Variants in CCSER1 observed in about 807,000 individuals in gnomAD.
CCSER1 encodes the protein serine-rich coiled-coil domain-containing protein 1.
Under a neutral mutation model 82.0 loss-of-function variants are expected in CCSER1, and 41 were observed. The observed-to-expected ratio is 0.50, with a 90% CI of 0.39 to 0.65. The LOEUF (loss-of-function observed/expected upper bound fraction) is 0.65. Ranked by LOEUF, CCSER1 falls within the 30% of genes least tolerant of loss-of-function variation. The probability of loss-of-function intolerance (pLI) is 0.00; values close to 1 mark genes in which losing one functional copy is unlikely to be tolerated. For missense variants in CCSER1, 1,119 were observed against 1,064.2 expected (o/e 1.05, Z -0.72); for synonymous variants, 414 against 383.9 (o/e 1.08, Z -0.92).
intron 9 of CCSER1, among the ~76,000 whole-genome samples, chr4:91,051,465 T>C (rs1743000975): frequency 6.6e-6 from 1 of 152,164 alleles, no homozygotes; most frequent in South Asian, 2.1e-4. Flanking sequence ...AAAACCATTG[T>C]AAATATCTAC....
chr4:91,008,214 A>G (rs987506517), intron 9 of CCSER1, among the ~76,000 whole-genome samples: 6 of 152,060 alleles, frequency 3.9e-5, no homozygotes, highest in African/African-American at 1.4e-4. Context: ...CCTCTCTGCT[A>G]CTTTTGGAAT....
chr4:91,578,802 C>A (rs972433492), intron 10 of CCSER1, among the ~76,000 whole-genome samples: 4 of 151,870 alleles, frequency 2.6e-5, no homozygotes, highest in Non-Finnish European at 5.9e-5. Context: ...CTGCAGCTGG[C>A]AGTAGAATGT....
intron 3 of CCSER1, among the ~76,000 whole-genome samples, chr4:90,377,878 T>TA (rs773705101): frequency 1.3e-5 from 2 of 152,146 alleles, no homozygotes; most frequent in African/African-American, 2.4e-5. Flanking sequence ...GTCATTCATT[T>TA]AAAAAATGTG....
At chr4:91,522,100 G>A (rs1229001168) in intron 10 of CCSER1, among the ~76,000 whole-genome samples, 1 of 152,134 alleles carries the variant, frequency 6.6e-6, no homozygotes, top group Admixed American at 6.5e-5. Flanking sequence ...TCTACATATG[G>A]CTAGCCCGTT....
At chr4:91,055,392 G>A (rs1039975895) in intron 9 of CCSER1, among the ~76,000 whole-genome samples, 1 of 152,124 alleles carries the variant, frequency 6.6e-6, no homozygotes, top group African/African-American at 2.4e-5. Flanking sequence ...CTTAAATTAT[G>A]TAGGATAATT....
intron 9 of CCSER1, among the ~76,000 whole-genome samples, chr4:90,975,942 C>T (rs1735572441): frequency 6.6e-6 from 1 of 151,106 alleles, no homozygotes; most frequent in African/African-American, 2.4e-5. Context: ...GAGACCTTTA[C>T]TGGGAATTTA....
chr4:91,466,931 A>G (rs1756948095), intron 10 of CCSER1, among the ~76,000 whole-genome samples: 1 of 152,230 alleles, frequency 6.6e-6, no homozygotes, highest in African/African-American at 2.4e-5. Flanking sequence ...CATACTGCCC[A>G]AGGTAATTTA....
intron 7 of CCSER1, among the ~76,000 whole-genome samples, chr4:90,809,661 C>G (rs1032915029): frequency 6.6e-6 from 1 of 151,952 alleles, no homozygotes; most frequent in Non-Finnish European, 1.5e-5. Context: ...CCAAAAACCA[C>G]TTGTACCCCT....
chr4:91,385,977 T>C (rs1190046420), intron 10 of CCSER1, among the ~76,000 whole-genome samples: 1 of 151,848 alleles, frequency 6.6e-6, no homozygotes, highest in African/African-American at 2.4e-5. Context: ...CACACACACA[T>C]ACATATATAT....
At chr4:90,154,906 C>T (rs1286398138) in intron 1 of CCSER1, among the ~76,000 whole-genome samples, 23 of 152,052 alleles carry the variant, frequency 1.5e-4, no homozygotes, top group Non-Finnish European at 2.2e-4. Context: ...GCCAGAACTT[C>T]CAACACTATG....
intron 10 of CCSER1, among the ~76,000 whole-genome samples, chr4:91,452,574 A>G (rs547851646): frequency 6.6e-6 from 1 of 152,208 alleles, no homozygotes; most frequent in South Asian, 2.1e-4. Context: ...ATACAGCCAA[A>G]GTGATAACAG....
chr4:90,619,985 CT>C (rs2148871759), intron 5 of CCSER1, among the ~76,000 whole-genome samples: 1 of 152,216 alleles, frequency 6.6e-6, no homozygotes, highest in Non-Finnish European at 1.5e-5. Context: ...CGTCAACCTT[CT>C]CTTTTTAAGA....
At chr4:90,829,497 G>T (rs960323318) in intron 8 of CCSER1, among the ~76,000 whole-genome samples, 1 of 152,130 alleles carries the variant, frequency 6.6e-6, no homozygotes, top group Non-Finnish European at 1.5e-5. Flanking sequence ...TATTGTTAGT[G>T]GTGGTAGAGA....
chr4:90,566,951 A>G (rs755811833), intron 5 of CCSER1, among the ~76,000 whole-genome samples: 11 of 150,356 alleles, frequency 7.3e-5, no homozygotes, highest in Non-Finnish European at 1.6e-4. Flanking sequence ...GTCTCCTTTC[A>G]TTTATTTGAG....
At chr4:90,748,087 C>A (rs1259659829) in intron 7 of CCSER1, among the ~76,000 whole-genome samples, 4 of 141,884 alleles carry the variant, frequency 2.8e-5, no homozygotes, top group Non-Finnish European at 6.1e-5. Flanking sequence ...GCACATTGTG[C>A]AGGTTAGTTA....
At chr4:90,406,395 G>A (rs1753729685) in intron 4 of CCSER1, among the ~76,000 whole-genome samples, 1 of 152,044 alleles carries the variant, frequency 6.6e-6, no homozygotes, top group Non-Finnish European at 1.5e-5. Flanking sequence ...TGAGATAGAT[G>A]GCAACACAAT....
chr4:90,189,912 A>C (rs78876299), intron 1 of CCSER1, among the ~76,000 whole-genome samples: 6,921 of 152,112 alleles, frequency 0.045, 265 homozygotes, highest in Non-Finnish European at 0.069. Context: ...AGTGTAAAGC[A>C]TATAGTTTAG....
chr4:90,136,285 C>G (rs1578139793), intron 1 of CCSER1, among the ~76,000 whole-genome samples: 1 of 151,904 alleles, frequency 6.6e-6, no homozygotes, highest in Admixed American at 6.6e-5. Context: ...CCTAGGAGTT[C>G]GAGGCTGCAG....
Position 91,262,127 on chromosome 4 carries a change from G to C in CCSER1, c.2217+176133G>C, listed in dbSNP as rs189218135. Among the ~76,000 whole-genome samples, 63 of 152,218 alleles carry C rather than the reference G, an allele frequency of 4.1e-4. 2 individuals are homozygous for C. In the East Asian group the frequency reaches 9.8e-3, roughly 24 times the overall value. Reference sequence around the variant, plus strand: ...TAAGTTATAAAAAAGTAGATACAGTGTGTGGTGAAGAACAAGGGTCTGTTA... The same window carrying C: ...TAAGTTATAAAAAAGTAGATACAGTCTGTGGTGAAGAACAAGGGTCTGTTA... On this transcript the variant is annotated intron_variant, in intron 10 of 10. Coordinates refer to ENST00000509176, the MANE Select transcript of CCSER1 (RefSeq NM_001145065.2).
Sources: gnomAD v4.1 joint callset for allele counts (sites outside exome capture counted in the v4.1 genomes callset) on GRCh38, gnomAD v4.1.1 for gene constraint, MANE v1.5 for transcripts, NCBI Gene and HGNC (gene_info 2026-07-23, HGNC 2026-07-21) for gene names.